The following CSMD1 variants were observed in gnomAD, a reference collection of about 807,000 sequenced individuals.
CSMD1 encodes the protein CUB and Sushi multiple domains 1.
In CSMD1, 213 loss-of-function variants were observed where a neutral mutation model predicts 417.5. The ratio of observed to expected loss-of-function variants is 0.51; its 90% CI spans 0.46 to 0.57. The LOEUF is 0.57. Ranked by LOEUF, CSMD1 falls within the 20% of genes least tolerant of loss-of-function variation. The probability of loss-of-function intolerance (pLI) is 0.00; values close to 1 mark genes in which losing one functional copy is unlikely to be tolerated. For synonymous variants in CSMD1, 2,862 were observed against 1,736.8 expected, an observed-to-expected ratio of 1.65 and a Z score of -16.11; for missense variants, 6,923 against 4,529.7, an observed-to-expected ratio of 1.53 and a Z score of -15.17.
intron 3 of CSMD1, among the ~76,000 whole-genome samples, chr8:4,301,717 G>A (rs142053222): frequency 3.2e-4 from 48 of 152,282 alleles, no homozygotes; most frequent in Admixed American, 8.5e-4. Flanking sequence ...GATGTGCATA[G>A]TCTGTTGCTG....
chr8:3,406,910 T>C (rs1812376725), intron 14 of CSMD1, among the ~76,000 whole-genome samples: 1 of 152,236 alleles, frequency 6.6e-6, no homozygotes, highest in Admixed American at 6.5e-5. Flanking sequence ...TGCTGTATTT[T>C]AATCCTTGGC....
chr8:3,812,274 T>C (rs1801131176), intron 5 of CSMD1, among the ~76,000 whole-genome samples: 1 of 152,092 alleles, frequency 6.6e-6, no homozygotes, highest in South Asian at 2.1e-4. Context: ...TAATGCATTG[T>C]TTTTGGTGGG....
intron 49 of CSMD1, among the ~76,000 whole-genome samples, chr8:3,060,528 C>G (rs1479634958): frequency 1.3e-5 from 2 of 152,196 alleles, no homozygotes; most frequent in Non-Finnish European, 2.9e-5. Flanking sequence ...GAACAGACCA[C>G]TTACTTGGCT....
At chr8:3,201,817 A>G in intron 31 of CSMD1, 92 bp from the exon 32 acceptor site, 2 of 584,700 alleles carry the variant, frequency 3.4e-6, no homozygotes, top group Non-Finnish European at 5.9e-6. Context: ...TAATTGCCCC[A>G]ATGGATCATT....
chr8:4,319,572 G>T (rs1435019138), intron 3 of CSMD1, among the ~76,000 whole-genome samples: 1 of 152,142 alleles, frequency 6.6e-6, no homozygotes, highest in Non-Finnish European at 1.5e-5. Flanking sequence ...ATTGTTGGCT[G>T]TTGAATAACA....
At position 4,146,186 on chromosome 8, in the gene CSMD1, A is replaced by G. The variant is rs576904772; in HGVS notation, c.416-114087T>C. On this transcript the variant is annotated intron_variant, in intron 3 of 69. Coordinates refer to ENST00000635120, the MANE Select transcript of CSMD1 (RefSeq NM_033225.6). ...GCCTCATACTCCGCTGGCCAAGTCG[A>G]TTCTCAAAAAAAGGGTGATATCGTT... is the stretch of plus-strand genomic sequence containing the variant. 7.7e-4 allele frequency among the ~76,000 whole-genome samples: 117 copies of G among 150,984 alleles called. 11 individuals carry two copies. Among genetic ancestry groups the G allele is most frequent in the Middle Eastern group, 3.4e-3 (1 of 294 alleles).
chr8:4,539,953 GC>G (rs1797297223), intron 2 of CSMD1, among the ~76,000 whole-genome samples: 1 of 152,062 alleles, frequency 6.6e-6, no homozygotes, highest in Non-Finnish European at 1.5e-5. Context: ...CCCAAACTCC[GC>G]CCCGTCCAGG....
chr8:4,041,175 C>G (rs1473586663), intron 3 of CSMD1, among the ~76,000 whole-genome samples: 1 of 151,896 alleles, frequency 6.6e-6, no homozygotes, highest in East Asian at 1.9e-4. Context: ...CGCCACCACG[C>G]CCGGCTAATT....
At chr8:4,172,076 G>A (rs990842148) in intron 3 of CSMD1, among the ~76,000 whole-genome samples, 4 of 151,854 alleles carry the variant, frequency 2.6e-5, no homozygotes, top group African/African-American at 7.3e-5. Flanking sequence ...TCTTTCTCAG[G>A]GGAAGGCGTA....
intron 25 of CSMD1, among the ~76,000 whole-genome samples, chr8:3,289,959 G>A (rs547870331): frequency 6.1e-5 from 9 of 147,468 alleles, no homozygotes; most frequent in Non-Finnish European, 1.0e-4. Context: ...TATAGTATTA[G>A]GTCTAACATT....
At chr8:4,269,400 C>T (rs1221829225) in intron 3 of CSMD1, among the ~76,000 whole-genome samples, 2 of 152,140 alleles carry the variant, frequency 1.3e-5, no homozygotes, top group Admixed American at 1.3e-4. Flanking sequence ...GAACCACACT[C>T]CTAAGGCTGT....
At chr8:4,062,874 T>TA in intron 3 of CSMD1, among the ~76,000 whole-genome samples, 1 of 150,516 alleles carries the variant, frequency 6.6e-6, no homozygotes, top group Non-Finnish European at 1.5e-5. Flanking sequence ...AGCCTGTACG[T>TA]AATACTGAAG....
At chr8:4,072,970 T>A (rs969428946) in intron 3 of CSMD1, among the ~76,000 whole-genome samples, 26 of 152,314 alleles carry the variant, frequency 1.7e-4, no homozygotes, top group African/African-American at 4.8e-4. Context: ...GCTCGTGACA[T>A]CAGATTTTGC....
chr8:4,055,705 T>C (rs994368149), intron 3 of CSMD1, among the ~76,000 whole-genome samples: 1 of 152,106 alleles, frequency 6.6e-6, no homozygotes, highest in Admixed American at 6.6e-5. Flanking sequence ...AAAATCACCA[T>C]GTATTAATTA....
chr8:3,671,016 T>C (rs796503270), intron 7 of CSMD1, among the ~76,000 whole-genome samples: 35,383 of 98,672 alleles, frequency 0.36, 8,045 homozygotes, highest in Admixed American at 0.44. Context: ...GATATATATG[T>C]ATATGGGATA....
chr8:3,871,552 T>C (rs1015330245), intron 5 of CSMD1, among the ~76,000 whole-genome samples: 36 of 152,234 alleles, frequency 2.4e-4, no homozygotes, highest in African/African-American at 7.9e-4. Context: ...CTTAGTCTAT[T>C]AGGTTATTAT....
intron 7 of CSMD1, among the ~76,000 whole-genome samples, chr8:3,666,344 G>A (rs774120078): frequency 5.3e-5 from 8 of 152,142 alleles, no homozygotes; most frequent in African/African-American, 9.7e-5. Flanking sequence ...TGATATAAAC[G>A]CCTGTCCGTT....
intron 4 of CSMD1, among the ~76,000 whole-genome samples, chr8:4,013,478 G>A (rs1023908724): frequency 6.6e-6 from 1 of 152,118 alleles, no homozygotes; most frequent in African/African-American, 2.4e-5. Flanking sequence ...GATCTTAGGT[G>A]ATAAGACCAG....
intron 3 of CSMD1, among the ~76,000 whole-genome samples, chr8:4,356,362 C>G (rs888084086): frequency 6.6e-6 from 1 of 151,772 alleles, no homozygotes; most frequent in African/African-American, 2.4e-5. Context: ...GTTTCTTTAT[C>G]CACTTGTTGA....
Sources: allele counts gnomAD v4.1 joint callset (sites outside exome capture counted in the v4.1 genomes callset), GRCh38; gene constraint gnomAD v4.1.1; transcripts MANE v1.5; gene names NCBI Gene and HGNC (gene_info 2026-07-23, HGNC 2026-07-21).